The following USP15 variants were observed in gnomAD, a reference collection of about 807,000 sequenced individuals.
USP15 encodes ubiquitin specific peptidase 15, also known as ubiquitin carboxyl-terminal hydrolase 15.
Under a neutral mutation model 127.1 loss-of-function variants are expected in USP15, and 18 were observed. That is an observed-to-expected ratio of 0.14 (90% CI 0.10 to 0.21). The LOEUF (loss-of-function observed/expected upper bound fraction) is 0.21. USP15 is among the 10% of genes least tolerant of loss of function. The probability of loss-of-function intolerance (pLI) is 1.00; values close to 1 mark genes in which losing one functional copy is unlikely to be tolerated. For synonymous variants in USP15, 364 were observed against 393.7 expected (o/e 0.92, Z 0.89); for missense variants, 805 against 1,159.9 (o/e 0.69, Z 4.44).
rs1345644247 is a variant in USP15 at position 62,391,588 on chromosome 12, ATG to A, written c.2233+165_2233+166del. Among the ~76,000 whole-genome samples the A allele has an allele frequency of 5.9e-5, 9 of 152,218 alleles. No homozygotes were observed. The East Asian group carries it at 1.7e-3, about 29-fold the overall frequency. On this transcript the variant is annotated intron_variant, in intron 16 of 21. Coordinates refer to ENST00000280377, the MANE Select transcript of USP15 (RefSeq NM_001252078.2). ...GGACTTAATATCTAAGTAGACTAAAATGTGTGTTTGTGTTTCATAAATGGAGA... is the reference window on the plus strand; with the variant it reads ...GGACTTAATATCTAAGTAGACTAAAATGTGTTTGTGTTTCATAAATGGAGA...
chr12:62,294,394 G>C, intron 2 of USP15, 88 bp downstream of exon 2: 1 of 1,445,900 alleles, frequency 6.9e-7, no homozygotes, highest in Non-Finnish European at 9.3e-7. Context: ...AAATGTTAGC[G>C]CAAATAAGTT....
intron 3 of USP15, among the ~76,000 whole-genome samples, chr12:62,308,185 A>T (rs12826072): frequency 6.6e-6 from 1 of 152,002 alleles, no homozygotes; most frequent in Non-Finnish European, 1.5e-5. Context: ...ATAGATGACA[A>T]ATTTCTGAAC....
intron 2 of USP15, 102 bp downstream of exon 2, chr12:62,294,408 AAAGT>A: frequency 7.4e-7 from 1 of 1,358,154 alleles, no homozygotes; most frequent in South Asian, 1.4e-5. Context: ...ATAAGTTGAT[AAAGT>A]TTTGCATTAC....
chr12:62,335,428 A>G (rs1407129759), intron 6 of USP15: 1 of 1,377,996 alleles, frequency 7.3e-7, no homozygotes, highest in Non-Finnish European at 9.3e-7. Flanking sequence ...CCTGTCGACC[A>G]CATCCATCCT....
chr12:62,294,012 A>G (rs138581139), intron 1 of USP15, among the ~76,000 whole-genome samples, 167 bp from the exon 2 acceptor site: 351 of 152,352 alleles, frequency 2.3e-3, no homozygotes, highest in African/African-American at 7.8e-3. Context: ...AATACTTTAT[A>G]CAAATGAAGT....
Position 62,282,895 on chromosome 12 carries a change from A to G in USP15, c.90-11284A>G, listed in dbSNP as rs1362900490. Among the ~76,000 whole-genome samples, 8 of 152,196 alleles carry G rather than the reference A, an allele frequency of 5.3e-5. No individual in the cohort carries two copies. The East Asian group carries it at 1.5e-3, about 29-fold the overall frequency. Reference sequence around the variant, plus strand: ...AAAATGTCTAAGTAACTATAAATAGAATTTCTATACTTTTCCACAAATTGT... The same window carrying G: ...AAAATGTCTAAGTAACTATAAATAGGATTTCTATACTTTTCCACAAATTGT... On this transcript the variant is annotated intron_variant, in intron 1 of 21. Transcript: ENST00000280377.
At chr12:62,299,130 A>C (rs370863040) in intron 2 of USP15, among the ~76,000 whole-genome samples, 3 of 151,766 alleles carry the variant, frequency 2.0e-5, no homozygotes, top group East Asian at 3.9e-4. Flanking sequence ...TTTTTTGTTT[A>C]TTTTATTTTT....
chr12:62,320,235 C>A (rs1011621100), intron 4 of USP15, among the ~76,000 whole-genome samples: 13 of 152,072 alleles, frequency 8.5e-5, no homozygotes, highest in Non-Finnish European at 1.8e-4. Flanking sequence ...CAGATTTCCC[C>A]CTTGCTGTTC....
intron 3 of USP15, chr12:62,304,853 G>C (rs2064430676): frequency 7.8e-6 from 2 of 255,478 alleles, no homozygotes; most frequent in African/African-American, 4.6e-5. Context: ...AAAGGCAGAT[G>C]AGAAGTAGGG....
intron 6 of USP15, among the ~76,000 whole-genome samples, chr12:62,343,648 G>A (rs2065719143): frequency 6.6e-6 from 1 of 152,142 alleles, no homozygotes; most frequent in African/African-American, 2.4e-5. Flanking sequence ...GGCTGGAGGA[G>A]GGAGGTCCCC....
chr12:62,412,993 C>A lies in USP15; in HGVS notation c.*8618C>A. On this transcript the variant is annotated 3_prime_UTR_variant, in exon 22 of 22. Transcript: ENST00000280377. ...AGCTTTTGCCTTATAAAATGTATTTCTTGGATGATAAGACTTGAAAGCTGA... is the reference window on the plus strand; with the variant it reads ...AGCTTTTGCCTTATAAAATGTATTTATTGGATGATAAGACTTGAAAGCTGA... 1 of 152,172 alleles carries A rather than the reference C, an allele frequency of 6.6e-6. No homozygotes were observed. The highest frequency in any genetic ancestry group is 1.9e-4 in the East Asian group (1 of 5,190). 9.4% of individuals were successfully genotyped at this position (152,172 alleles called of 1,614,324 possible).
chr12:62,371,662 A>T (rs73136864), intron 8 of USP15, among the ~76,000 whole-genome samples: 16,042 of 152,126 alleles, frequency 0.11, 894 homozygotes, highest in Middle Eastern at 0.17. Context: ...TGGAATTTTT[A>T]AAAAATTAGT....
intron 4 of USP15, 100 bp downstream of exon 4, chr12:62,315,016 T>A: frequency 3.4e-6 from 4 of 1,160,454 alleles, no homozygotes; most frequent in Non-Finnish European, 4.5e-6. Flanking sequence ...TTTTAAGGAT[T>A]TATATATAGA....
intron 6 of USP15, among the ~76,000 whole-genome samples, chr12:62,342,523 T>G (rs959339542): frequency 2.0e-5 from 3 of 152,192 alleles, no homozygotes; most frequent in African/African-American, 7.2e-5. Flanking sequence ...TTGTGCTGGT[T>G]TATCCTCATC....
At chr12:62,328,523 C>A in intron 6 of USP15, 1 of 201,546 alleles carries the variant, frequency 5.0e-6, no homozygotes, top group Non-Finnish European at 1.1e-5. Flanking sequence ...ATTAAAAACG[C>A]ATAAAACCTT....
At chr12:62,326,696 T>G (rs1052105808) in intron 6 of USP15, among the ~76,000 whole-genome samples, 2 of 152,216 alleles carry the variant, frequency 1.3e-5, no homozygotes, top group Admixed American at 1.3e-4. Context: ...TTTTTGGAGC[T>G]TTGGAATTTC....
intron 11 of USP15, among the ~76,000 whole-genome samples, chr12:62,388,552 C>G (rs2067228712): frequency 6.6e-6 from 1 of 152,186 alleles, no homozygotes; most frequent in African/African-American, 2.4e-5. Flanking sequence ...GGATTTGTAG[C>G]ACACCAGCCT....
intron 3 of USP15, among the ~76,000 whole-genome samples, chr12:62,309,851 A>C (rs1001110360): frequency 2.0e-5 from 3 of 151,810 alleles, no homozygotes; most frequent in African/African-American, 4.8e-5. Context: ...AAAAAAAAAA[A>C]CTCCTAGAAA....
intron 6 of USP15, among the ~76,000 whole-genome samples, chr12:62,337,341 T>C (rs2065499642): frequency 6.6e-6 from 1 of 152,158 alleles, no homozygotes; most frequent in African/African-American, 2.4e-5. Flanking sequence ...AAGAGGTTTA[T>C]TGGATTTACA....
Sources: gnomAD v4.1 joint callset for allele counts (sites outside exome capture counted in the v4.1 genomes callset) on GRCh38, gnomAD v4.1.1 for gene constraint, MANE v1.5 for transcripts, NCBI Gene and HGNC (gene_info 2026-07-23, HGNC 2026-07-21) for gene names.